The following MEGF9 variants were observed in gnomAD, a reference collection of about 807,000 sequenced individuals.
MEGF9 encodes the protein multiple epidermal growth factor-like domains protein 9.
MEGF9 carries 6 observed loss-of-function variants against 46.8 expected under a neutral mutation model. The ratio of observed to expected loss-of-function variants is 0.13; its 90% confidence interval spans 0.07 to 0.25. The LOEUF is 0.25. MEGF9 is among the 10% of genes least tolerant of loss of function. MEGF9 has a pLI of 1.00. For missense variants in MEGF9, 683 were observed against 792.4 expected (o/e 0.86, Z 1.66); for synonymous variants, 302 against 330.7 (o/e 0.91, Z 0.94).
At chr9:120,693,970 G>A (rs2043862632) in intron 1 of MEGF9, among the ~76,000 whole-genome samples, 1 of 152,120 alleles carries the variant, frequency 6.6e-6, no homozygotes, top group Non-Finnish European at 1.5e-5. Context: ...AGAGCAGTAT[G>A]TGAGGATGTA....
chr9:120,618,255 C>T (rs1229109238), intron 3 of MEGF9, among the ~76,000 whole-genome samples: 1 of 152,208 alleles, frequency 6.6e-6, no homozygotes, highest in African/African-American at 2.4e-5. Flanking sequence ...TGAGGCACTC[C>T]AGTGCTTGGA....
rs1228185189 is a variant in MEGF9, at chr9:120,674,581, T to G, written c.602-15006A>C. On this transcript the variant is annotated intron_variant, in intron 1 of 5. Transcript: ENST00000373930. Reference sequence around the variant, plus strand: ...TCTTTCTTTCTTCTCTCTCTCTTTTTTTTTTGAGACAGGATCTCACTTTGT... The same window carrying G: ...TCTTTCTTTCTTCTCTCTCTCTTTTGTTTTTGAGACAGGATCTCACTTTGT... Among the ~76,000 whole-genome samples, 3 of 152,142 alleles carry G rather than the reference T, an allele frequency of 2.0e-5. No homozygotes were observed. The East Asian group carries it at 5.8e-4, about 29-fold the overall frequency.
intron 1 of MEGF9, among the ~76,000 whole-genome samples, chr9:120,709,814 C>T (rs1055411800): frequency 1.3e-5 from 2 of 152,114 alleles, no homozygotes; most frequent in East Asian, 1.9e-4. Context: ...TTTGGGAGGC[C>T]GCGGTGGGCA....
At position 120,705,098 on chromosome 9, in the gene MEGF9, G is replaced by C. The variant is rs149109333; in HGVS notation, c.601+8660C>G. 1.3e-4 allele frequency among the ~76,000 whole-genome samples: 20 copies of C among 152,042 alleles called. No individual in the cohort carries two copies. In the East Asian group the frequency reaches 3.9e-3, roughly 29 times the overall value. ...AAGTTGGACAATAAAGAAGACCCCA[G>C]TGGAAAAAGAAAATCTTTTCTCCAT... On this transcript the variant is annotated intron_variant, in intron 1 of 5. Transcript: ENST00000373930.
At chr9:120,663,383 A>G (rs549062733) in intron 1 of MEGF9, among the ~76,000 whole-genome samples, 4 of 152,244 alleles carry the variant, frequency 2.6e-5, no homozygotes, top group Non-Finnish European at 5.9e-5. Context: ...GCTTGTAAGT[A>G]AAGTAAAATC....
chr9:120,689,880 C>T (rs757908476), intron 1 of MEGF9: 1 of 502,898 alleles, frequency 2.0e-6, no homozygotes, highest in Non-Finnish European at 4.1e-6. Context: ...ATGTCAATAC[C>T]TGATAACAAT....
chr9:120,657,642 G>T (rs2043683496), intron 2 of MEGF9, among the ~76,000 whole-genome samples: 1 of 152,338 alleles, frequency 6.6e-6, no homozygotes, highest in Admixed American at 6.5e-5. Context: ...GGTAAGCAAT[G>T]TGAAACTTCT....
chr9:120,708,257 C>G (rs1010612807), intron 1 of MEGF9, among the ~76,000 whole-genome samples: 1 of 150,868 alleles, frequency 6.6e-6, no homozygotes, highest in Non-Finnish European at 1.5e-5. Context: ...CCCAGTTACT[C>G]GGGAGGCTGA....
intron 2 of MEGF9, among the ~76,000 whole-genome samples, chr9:120,658,347 T>G (rs935940890): frequency 2.0e-5 from 3 of 152,214 alleles, no homozygotes; most frequent in Admixed American, 1.3e-4. Context: ...ATAATATCAT[T>G]TATAAAGCAT....
rs567241798 is a variant in MEGF9, at chr9:120,714,180, C to T, written c.179G>A (p.Arg60Gln). ...AGGGAAGGGGTGGCTGGGCTCGCCC[C>T]GCAACCCGGGGCCCGGCGACGCGTC... is the stretch of plus-strand genomic sequence containing the variant. ...QVDASPGPGL[R>Q]GEPSHPFPRA... Residue 60 changes from arginine (R) to glutamine (Q), a missense_variant, in exon 1 of 6, where the codon CGG (arginine) becomes CAG (glutamine). Coordinates refer to ENST00000373930, the MANE Select transcript of MEGF9 (RefSeq NM_001080497.3). 1.6e-6 allele frequency: 2 copies of T among 1,235,386 alleles called. No homozygotes were observed. Among genetic ancestry groups the T allele is most frequent in the Middle Eastern group, 2.8e-4 (1 of 3,604 alleles). The allele number at this position is 1,235,386 out of a possible 1,614,324, so 76.5% of individuals were successfully genotyped here. A position where few individuals can be genotyped will look rare whatever the true frequency, so the allele number is the denominator to read the frequency against.
At chr9:120,667,438 A>T (rs977542794) in intron 1 of MEGF9, among the ~76,000 whole-genome samples, 1 of 152,208 alleles carries the variant, frequency 6.6e-6, no homozygotes, top group African/African-American at 2.4e-5. Context: ...AAAGATAAAG[A>T]TGTATAGGAT....
At chr9:120,673,045 G>A (rs554296275) in intron 1 of MEGF9, among the ~76,000 whole-genome samples, 24 of 152,126 alleles carry the variant, frequency 1.6e-4, no homozygotes, top group African/African-American at 5.8e-4. Context: ...AAATAAGGTT[G>A]CAAGATACAA....
intron 2 of MEGF9, among the ~76,000 whole-genome samples, chr9:120,653,171 C>G (rs764547141): frequency 1.3e-5 from 2 of 152,300 alleles, no homozygotes; most frequent in Non-Finnish European, 2.9e-5. Flanking sequence ...GTACACAGTC[C>G]TGCAACTTTC....
chr9:120,628,696 C>T (rs1349395480), intron 2 of MEGF9, among the ~76,000 whole-genome samples: 2 of 151,932 alleles, frequency 1.3e-5, no homozygotes, highest in Non-Finnish European at 2.9e-5. Flanking sequence ...AGTGAGCTTA[C>T]CTGATCTTTG....
intron 2 of MEGF9, among the ~76,000 whole-genome samples, chr9:120,628,781 C>A (rs2043538328): frequency 6.6e-6 from 1 of 152,136 alleles, no homozygotes; most frequent in Non-Finnish European, 1.5e-5. Flanking sequence ...AAGATATTAG[C>A]TCTATTTTCC....
chr9:120,606,765 C>T (rs923905062), intron 5 of MEGF9, among the ~76,000 whole-genome samples: 9 of 152,070 alleles, frequency 5.9e-5, no homozygotes, highest in South Asian at 2.1e-4. Context: ...TTAATGCTTA[C>T]GGTGCTTGGC....
At chr9:120,703,253 T>C (rs2043913214) in intron 1 of MEGF9, among the ~76,000 whole-genome samples, 1 of 152,236 alleles carries the variant, frequency 6.6e-6, no homozygotes, top group African/African-American at 2.4e-5. Context: ...ATGTCTAGTA[T>C]ACCTACAAAC....
intron 2 of MEGF9, among the ~76,000 whole-genome samples, chr9:120,632,763 G>A (rs1011958730): frequency 2.6e-5 from 4 of 151,994 alleles, no homozygotes; most frequent in Admixed American, 6.6e-5. Context: ...TCTGAGGTAC[G>A]TTTCTTCTGT....
intron 1 of MEGF9, among the ~76,000 whole-genome samples, chr9:120,702,022 G>A (rs988347166): frequency 7.3e-5 from 11 of 150,796 alleles, no homozygotes; most frequent in African/African-American, 2.0e-4. Flanking sequence ...CAGCCTAGGC[G>A]ACAGAGCAAG....
Sources: gnomAD v4.1 joint callset for allele counts (sites outside exome capture counted in the v4.1 genomes callset) on GRCh38, gnomAD v4.1.1 for gene constraint, MANE v1.5 for transcripts, NCBI Gene and HGNC (gene_info 2026-07-23, HGNC 2026-07-21) for gene names.